The following SGCZ variants were observed in gnomAD, a reference collection of about 807,000 sequenced individuals.
SGCZ encodes the protein sarcoglycan zeta, also known as zeta-sarcoglycan.
Under a neutral mutation model 41.3 loss-of-function variants are expected in SGCZ, and 40 were observed. The observed-to-expected ratio is 0.97, with a 90% CI of 0.75 to 1.26. SGCZ has a LOEUF of 1.26. SGCZ is among the 50% of genes most tolerant of loss of function. SGCZ has a pLI of 0.00. For missense variants in SGCZ, 552 were observed against 369.8 expected (o/e 1.49, Z -4.04); for synonymous variants, 206 against 137.5 (o/e 1.50, Z -3.49).
intron 2 of SGCZ, among the ~76,000 whole-genome samples, chr8:14,447,587 T>C (rs1800468984): frequency 6.6e-6 from 1 of 152,162 alleles, no homozygotes; most frequent in Admixed American, 6.5e-5. Flanking sequence ...ATTACAACTC[T>C]TACGCTGTGC....
intron 1 of SGCZ, among the ~76,000 whole-genome samples, chr8:14,667,705 T>A (rs1485122135): frequency 6.6e-6 from 1 of 152,188 alleles, no homozygotes; most frequent in Non-Finnish European, 1.5e-5. Flanking sequence ...TATTGAACTC[T>A]TGTTGATTTT....
At chr8:14,324,350 T>A in intron 2 of SGCZ, 146 bp from the exon 3 acceptor site, 1 of 669,154 alleles carries the variant, frequency 1.5e-6, no homozygotes, top group Non-Finnish European at 2.6e-6. Flanking sequence ...ACTTAATTAA[T>A]GTTTGCAGCC....
At chr8:15,195,518 T>G (rs1353453944) in intron 1 of SGCZ, among the ~76,000 whole-genome samples, 1 of 152,202 alleles carries the variant, frequency 6.6e-6, no homozygotes, top group Non-Finnish European at 1.5e-5. Context: ...CAAGTTTGTT[T>G]CTTGCTGTCA....
chr8:14,516,938 G>A (rs940683471), intron 2 of SGCZ, among the ~76,000 whole-genome samples: 3 of 151,912 alleles, frequency 2.0e-5, no homozygotes, highest in Non-Finnish European at 4.4e-5. Flanking sequence ...AATACTTGGA[G>A]GATTTGTTAA....
At chr8:14,856,464 GTGGCCAA>G (rs1413070414) in intron 1 of SGCZ, among the ~76,000 whole-genome samples, 3 of 152,172 alleles carry the variant, frequency 2.0e-5, no homozygotes, top group African/African-American at 7.2e-5. Context: ...ATTTATGCAT[GTGGCCAA>G]AGTTTTCCAC....
intron 1 of SGCZ, among the ~76,000 whole-genome samples, chr8:14,926,283 C>T (rs989266761): frequency 2.0e-5 from 3 of 151,928 alleles, no homozygotes; most frequent in African/African-American, 7.3e-5. Context: ...AAAAGATCAT[C>T]GAAAAAATAT....
Position 14,493,359 on chromosome 8 carries a change from C to CTTTTTTTTTTTTTTTTTTTTTTTTTT in SGCZ, c.234+61347_234+61372dup, listed in dbSNP as rs57898016. ...CATACTTTTCCCACTATCATCCTTT[C>CTTTTTTTTTTTTTTTTTTTTTTTTTT]TTTTTTTTTTTTTTTTTTTTTTTTT... is the stretch of plus-strand genomic sequence containing the variant. On this transcript the variant is annotated intron_variant, in intron 2 of 7. Coordinates refer to ENST00000382080, the MANE Select transcript of SGCZ (RefSeq NM_139167.4). Among the ~76,000 whole-genome samples, 291 of 44,262 alleles carry CTTTTTTTTTTTTTTTTTTTTTTTTTT rather than the reference C, an allele frequency of 6.6e-3. 42 individuals carry two copies. The highest frequency in any genetic ancestry group is 9.2e-3 in the African/African-American group (122 of 13,242). The allele number at this position is 44,262 out of a possible 152,430, so 29.0% of individuals were successfully genotyped here. A position where few individuals can be genotyped will look rare whatever the true frequency, so the allele number is the denominator to read the frequency against.
In SGCZ at chr8:14,088,401, A is replaced by G. The variant is rs1230195152; in HGVS notation, c.*2042T>C. On this transcript the variant is annotated 3_prime_UTR_variant, in exon 8 of 8. Coordinates refer to ENST00000382080, the MANE Select transcript of SGCZ (RefSeq NM_139167.4). ...TAATTGTTTTAATGGAAGGATGATT[A>G]GAACTTGAATATGTCTTAAATTAAA... Among the ~76,000 whole-genome samples the G allele has an allele frequency of 3.3e-5, 5 of 151,884 alleles. No homozygotes were observed. In the East Asian group the frequency reaches 9.7e-4, roughly 29 times the overall value.
At chr8:14,556,899 G>A (rs1214372842) in intron 1 of SGCZ, among the ~76,000 whole-genome samples, 3 of 152,012 alleles carry the variant, frequency 2.0e-5, no homozygotes, top group Admixed American at 2.0e-4. Flanking sequence ...AAACATGAAA[G>A]TGAAGTATTT....
chr8:14,317,574 A>G (rs1234706299), intron 3 of SGCZ, among the ~76,000 whole-genome samples: 1 of 148,504 alleles, frequency 6.7e-6, no homozygotes. Context: ...GAAAATCTAT[A>G]AACTTAGACA....
chr8:14,716,721 GTTC>G (rs754623797), intron 1 of SGCZ, among the ~76,000 whole-genome samples: 7 of 151,938 alleles, frequency 4.6e-5, no homozygotes, highest in Non-Finnish European at 1.0e-4. Context: ...TAAATGCATA[GTTC>G]ATTGAAAATA....
chr8:14,616,199 C>T lies in SGCZ; in HGVS notation c.40-61273G>A, dbSNP rs572142826. On this transcript the variant is annotated intron_variant, in intron 1 of 7. Coordinates refer to ENST00000382080, the MANE Select transcript of SGCZ (RefSeq NM_139167.4). ...TCGGGAGGCTGAGGCAGGAGAATGG[C>T]GTGAACCCAGGAGGCGGAACTTGCA... 2.5e-3 allele frequency among the ~76,000 whole-genome samples: 386 copies of T among 151,766 alleles called. 2 individuals carry two copies. The highest frequency in any genetic ancestry group is 8.5e-3 in the African/African-American group (351 of 41,344).
At chr8:15,059,582 G>A (rs1329353225) in intron 1 of SGCZ, among the ~76,000 whole-genome samples, 1 of 152,144 alleles carries the variant, frequency 6.6e-6, no homozygotes, top group Non-Finnish European at 1.5e-5. Flanking sequence ...AAGAATGTAA[G>A]AAATCATTAC....
chr8:15,054,961 C>CAA (rs34309870), intron 1 of SGCZ, among the ~76,000 whole-genome samples: 6 of 142,514 alleles, frequency 4.2e-5, no homozygotes, highest in Non-Finnish European at 7.6e-5. Flanking sequence ...GACTCCATCT[C>CAA]AAAAAAAAAA....
At chr8:14,482,498 T>C (rs1226985041) in intron 2 of SGCZ, among the ~76,000 whole-genome samples, 1 of 152,190 alleles carries the variant, frequency 6.6e-6, no homozygotes, top group Admixed American at 6.5e-5. Flanking sequence ...TGTTTTCTTA[T>C]CTGTTAACAA....
intron 2 of SGCZ, among the ~76,000 whole-genome samples, chr8:14,440,199 C>G (rs1035216009): frequency 1.3e-5 from 2 of 151,826 alleles, no homozygotes; most frequent in East Asian, 3.9e-4. Context: ...AATTTTTTGC[C>G]TATATGTCAT....
chr8:14,595,547 G>A (rs985741798), intron 1 of SGCZ, among the ~76,000 whole-genome samples: 4 of 152,030 alleles, frequency 2.6e-5, no homozygotes, highest in African/African-American at 7.2e-5. Context: ...AAGTTCCGTG[G>A]CTGCTGTCAG....
At position 14,749,407 on chromosome 8, in the gene SGCZ, G is replaced by A. The variant is rs543541116; in HGVS notation, c.40-194481C>T. ...CAGGTTCTAGAACGAACATTCCACT[G>A]ATGTGTGTGGGGATGCGTGTACATG... On this transcript the variant is annotated intron_variant, in intron 1 of 7. Coordinates refer to ENST00000382080, the MANE Select transcript of SGCZ (RefSeq NM_139167.4). Among the ~76,000 whole-genome samples, 39 of 152,278 alleles carry A rather than the reference G, an allele frequency of 2.6e-4. No individual in the cohort carries two copies. The South Asian group carries it at 7.7e-3, about 30-fold the overall frequency.
At chr8:14,973,993 A>G (rs1801382742) in intron 1 of SGCZ, among the ~76,000 whole-genome samples, 1 of 152,142 alleles carries the variant, frequency 6.6e-6, no homozygotes, top group African/African-American at 2.4e-5. Flanking sequence ...ATATTTTCTG[A>G]GGGTGAAAAC....
Sources: gnomAD v4.1 joint callset for allele counts (sites outside exome capture counted in the v4.1 genomes callset) on GRCh38, gnomAD v4.1.1 for gene constraint, MANE v1.5 for transcripts, NCBI Gene and HGNC (gene_info 2026-07-23, HGNC 2026-07-21) for gene names.